ZFHX3: variants seen among roughly 807,000 people sequenced by gnomAD.
The protein encoded by ZFHX3 is zinc finger homeobox protein 3.
In ZFHX3, 42 loss-of-function variants were observed where a neutral mutation model predicts 279.1. The observed-to-expected ratio is 0.15, with a 90% CI of 0.12 to 0.19. The LOEUF is 0.19. ZFHX3 is among the 10% of genes least tolerant of loss of function. The pLI is 1.00. For missense variants in ZFHX3, 4,981 were observed against 4,754.0 expected, an observed-to-expected ratio of 1.05 and a Z score of -1.40; for synonymous variants, 2,293 against 1,957.8, an observed-to-expected ratio of 1.17 and a Z score of -4.52.
intron 3 of ZFHX3, among the ~76,000 whole-genome samples, chr16:73,352,483 T>TC (rs1463005448): frequency 1.5e-5 from 2 of 135,422 alleles, no homozygotes; most frequent in African/African-American, 5.6e-5. Flanking sequence ...TCTTTTTTTT[T>TC]TTTTTTTTTT....
intron 3 of ZFHX3, among the ~76,000 whole-genome samples, chr16:72,942,957 G>A (rs142097199): frequency 6.6e-6 from 1 of 152,324 alleles, no homozygotes; most frequent in African/African-American, 2.4e-5. Context: ...CCAAATGCCA[G>A]GAAAGAGAGC....
At chr16:73,727,396 C>T (rs903489445) in intron 1 of ZFHX3, among the ~76,000 whole-genome samples, 2 of 152,214 alleles carry the variant, frequency 1.3e-5, no homozygotes, top group Non-Finnish European at 2.9e-5. Flanking sequence ...AGGAGAGAAA[C>T]AACCTTCCAT....
chr16:72,918,705 T>TG (rs1465594026), intron 3 of ZFHX3, among the ~76,000 whole-genome samples: 1 of 151,748 alleles, frequency 6.6e-6, no homozygotes, highest in Non-Finnish European at 1.5e-5. Context: ...CTTTTTTTTT[T>TG]TTTTTTTTTA....
At chr16:73,721,709 C>G (rs2053475444) in intron 1 of ZFHX3, among the ~76,000 whole-genome samples, 2 of 152,206 alleles carry the variant, frequency 1.3e-5, no homozygotes, top group African/African-American at 4.8e-5. Flanking sequence ...ACTCTGGAAT[C>G]TGTTCATGCC....
intron 3 of ZFHX3, among the ~76,000 whole-genome samples, chr16:73,352,472 CTCT>C (rs1407078364): frequency 5.0e-5 from 5 of 100,596 alleles, no homozygotes; most frequent in East Asian, 4.5e-4. Flanking sequence ...CTCTCTCTCT[CTCT>C]TTTTTTTTTT....
intron 1 of ZFHX3, among the ~76,000 whole-genome samples, chr16:73,776,377 T>C (rs1474580170): frequency 6.6e-6 from 1 of 152,164 alleles, no homozygotes; most frequent in African/African-American, 2.4e-5. Flanking sequence ...GCCCCAGTTC[T>C]ATGCGCTACT....
intron 4 of ZFHX3, among the ~76,000 whole-genome samples, chr16:73,315,946 A>G (rs1051848980): frequency 6.6e-6 from 1 of 152,146 alleles, no homozygotes; most frequent in Admixed American, 6.5e-5. Context: ...AAGGATACAC[A>G]AGACGCATAC....
chr16:73,563,681 A>C (rs1055648786), intron 2 of ZFHX3, among the ~76,000 whole-genome samples: 1 of 152,164 alleles, frequency 6.6e-6, no homozygotes, highest in Non-Finnish European at 1.5e-5. Flanking sequence ...CACATCCTGC[A>C]GTCCCCCATC....
At chr16:73,885,152 C>T (rs1469452585) in intron 1 of ZFHX3, among the ~76,000 whole-genome samples, 2 of 152,006 alleles carry the variant, frequency 1.3e-5, no homozygotes, top group Non-Finnish European at 1.5e-5. Context: ...CTTTCATTTC[C>T]TTCAGATGTT....
Position 72,958,664 on chromosome 16 carries a change from G to A in ZFHX3, c.1482C>T (p.Leu494=). ...EEEEDEGCKG[L]FPSELDEELE... ...GTTCCTCATCCAACTCGCTTGGAAA[G>A]AGTCCTTTGCAACCCTCGTCTTCCT... is the stretch of plus-strand genomic sequence containing the variant. Residue 494 remains leucine, a synonymous_variant, in exon 2 of 10, where the codon CTC becomes CTT. Coordinates refer to ENST00000268489, the MANE Select transcript of ZFHX3 (RefSeq NM_006885.4). 2 of 1,613,666 alleles carry A rather than the reference G, an allele frequency of 1.2e-6. No individual in the cohort carries two copies. The highest frequency in any genetic ancestry group is 1.7e-6 in the Non-Finnish European group (2 of 1,179,840).
At chr16:73,174,784 G>A (rs1247785231) in intron 5 of ZFHX3, among the ~76,000 whole-genome samples, 1 of 151,028 alleles carries the variant, frequency 6.6e-6, no homozygotes, top group Non-Finnish European at 1.5e-5. Context: ...CTGGGAGGCC[G>A]AGGTGGGTGG....
intron 8 of ZFHX3, among the ~76,000 whole-genome samples, chr16:73,083,825 G>A (rs1001342437): frequency 6.6e-6 from 1 of 152,056 alleles, no homozygotes; most frequent in Admixed American, 6.6e-5. Flanking sequence ...CACCATGCCC[G>A]GCCTTTCCTA....
At chr16:73,555,592 A>G (rs906261221) in intron 2 of ZFHX3, among the ~76,000 whole-genome samples, 3 of 151,980 alleles carry the variant, frequency 2.0e-5, no homozygotes, top group Non-Finnish European at 4.4e-5. Context: ...GCACTTTGGT[A>G]GGCCAAGATG....
chr16:73,491,699 G>A (rs568523158), intron 2 of ZFHX3, among the ~76,000 whole-genome samples: 10 of 152,212 alleles, frequency 6.6e-5, no homozygotes, highest in East Asian at 3.9e-4. Flanking sequence ...GGTCTAACTC[G>A]TTGCTTGTCA....
rs541916391 is a variant in ZFHX3 at position 73,442,594 on chromosome 16, T to C, written c.-1291+13409A>G. Among the ~76,000 whole-genome samples, 4 of 152,372 alleles carry C rather than the reference T, an allele frequency of 2.6e-5. No individual in the cohort carries two copies. In the South Asian group the frequency reaches 8.3e-4, roughly 32 times the overall value. ...AATAGAAAAGTGGAAAAACAACTAG[T>C]GTCTCAGTATTGAATTCCGAATAGA... On this transcript the variant is annotated intron_variant, in intron 3 of 17. Transcript: ENST00000641206.
chr16:73,810,567 C>T (rs879521108), intron 1 of ZFHX3, among the ~76,000 whole-genome samples: 1 of 152,126 alleles, frequency 6.6e-6, no homozygotes, highest in Admixed American at 6.5e-5. Context: ...TTGTAAAGCG[C>T]TTTCACACAT....
intron 5 of ZFHX3, among the ~76,000 whole-genome samples, chr16:73,199,339 T>C (rs1055438314): frequency 6.6e-6 from 1 of 152,188 alleles, no homozygotes; most frequent in African/African-American, 2.4e-5. Flanking sequence ...TTTAGTGGGA[T>C]AAAATGCATG....
At chr16:72,847,444 G>C (rs2037507970) in intron 4 of ZFHX3, among the ~76,000 whole-genome samples, 1 of 152,112 alleles carries the variant, frequency 6.6e-6, no homozygotes, top group Non-Finnish European at 1.5e-5. Context: ...CCTGAACCTA[G>C]GACCAGCCAT....
At chr16:73,152,533 A>G (rs191033743) in intron 5 of ZFHX3, among the ~76,000 whole-genome samples, 4 of 152,260 alleles carry the variant, frequency 2.6e-5, no homozygotes, top group Non-Finnish European at 5.9e-5. Flanking sequence ...AATGATAACT[A>G]AAGAAAATAT....
Sources: allele counts gnomAD v4.1 joint callset (sites outside exome capture counted in the v4.1 genomes callset), GRCh38; gene constraint gnomAD v4.1.1; transcripts MANE v1.5; gene names NCBI Gene and HGNC (gene_info 2026-07-23, HGNC 2026-07-21).